SLC17A6: variants seen among roughly 807,000 people sequenced by gnomAD.
SLC17A6 encodes solute carrier family 17 member 6, also known as vesicular glutamate transporter 2.
A neutral mutation model predicts 67.1 loss-of-function variants in SLC17A6; 35 were observed. That is an observed-to-expected ratio of 0.52 (90% CI 0.40 to 0.69). SLC17A6 has a LOEUF of 0.69. Ranked by LOEUF, SLC17A6 falls within the 30% of genes least tolerant of loss-of-function variation. The pLI is 0.00. For missense variants in SLC17A6, 588 were observed against 723.9 expected, an observed-to-expected ratio of 0.81 and a Z score of 2.15; for synonymous variants, 285 against 252.3, an observed-to-expected ratio of 1.13 and a Z score of -1.23.
At chr11:22,376,396 A>G (rs994452211) in intron 10 of SLC17A6, 149 bp from the exon 11 acceptor site, 3 of 832,074 alleles carry the variant, frequency 3.6e-6, no homozygotes, top group Non-Finnish European at 3.7e-6. Flanking sequence ...TTCTATTCTC[A>G]TTATATCCCC....
intron 7 of SLC17A6, 102 bp downstream of exon 7, chr11:22,365,791 G>A: frequency 1.6e-6 from 2 of 1,258,360 alleles, no homozygotes; most frequent in Non-Finnish European, 2.2e-6. Flanking sequence ...AACTAATTTG[G>A]TATCAATCAT....
intron 5 of SLC17A6, 170 bp downstream of exon 5, chr11:22,361,154 G>T: frequency 3.9e-6 from 2 of 516,390 alleles, no homozygotes; most frequent in Non-Finnish European, 6.9e-6. Flanking sequence ...TTATTGTTTT[G>T]CTTAAATCTT....
At chr11:22,353,083 A>G (rs1036987815) in intron 3 of SLC17A6, among the ~76,000 whole-genome samples, 3 of 152,234 alleles carry the variant, frequency 2.0e-5, no homozygotes, top group African/African-American at 7.2e-5. Context: ...AAGATGCGAA[A>G]TAATCATTCT....
chr11:22,347,038 C>T (rs1341352181), intron 3 of SLC17A6, among the ~76,000 whole-genome samples: 1 of 151,600 alleles, frequency 6.6e-6, no homozygotes, highest in Non-Finnish European at 1.5e-5. Flanking sequence ...CTCTTGATTT[C>T]TCAACGCTGC....
Position 22,338,610 on chromosome 11 carries a change from A to C in SLC17A6, c.77A>C (p.Gln26Pro). 6.2e-7 allele frequency: 1 copy of C among 1,613,100 alleles called. No homozygotes were observed. The highest frequency in any genetic ancestry group is 1.1e-5 in the South Asian group (1 of 90,940). ...AATTTTGCTGGAAAATCACTCGGCC[A>C]GATCTACAGGTAAGACAAAGCGAAC... ...LKNFAGKSLGQIYRVLEKKQD... is the reference protein window; with the variant it reads ...LKNFAGKSLGPIYRVLEKKQD... The change falls in exon 1 of 12, where the codon CAG (glutamine) becomes CCG (proline). Residue 26 changes from glutamine to proline, a missense_variant. Around this residue, in one of 4 missense-constraint regions of SLC17A6, gnomAD observed 117 missense variants for 98.7 expected, o/e 1.19. Transcript: ENST00000263160.
chr11:22,377,422 G>A lies in SLC17A6; in HGVS notation c.1431G>A (p.Gln477=). The change falls in exon 12 of 12, where the codon CAG becomes CAA. Residue 477 remains glutamine (Q), a synonymous_variant. Coordinates refer to ENST00000263160, the MANE Select transcript of SLC17A6 (RefSeq NM_020346.3). ...CACTGCAGTCACGTGAAGAGTGGCA[G>A]TATGTCTTCCTGATCGCTGCCCTAG... The part of the protein sequence containing the change: ...MTKNKSREEW[Q]YVFLIAALVH... 6.2e-7 allele frequency: 1 copy of A among 1,609,444 alleles called. No individual in the cohort carries two copies. The highest frequency in any genetic ancestry group is 1.1e-5 in the South Asian group (1 of 90,796).
intron 9 of SLC17A6, among the ~76,000 whole-genome samples, chr11:22,375,209 A>G (rs1856219738): frequency 6.6e-6 from 1 of 151,560 alleles, no homozygotes; most frequent in Non-Finnish European, 1.5e-5. Flanking sequence ...CATCTCGACT[A>G]AAAACACAAA....
intron 3 of SLC17A6, among the ~76,000 whole-genome samples, chr11:22,348,230 A>AGTAGGCTTTCAGCAGTTTC (rs1371839733): frequency 5.7e-4 from 86 of 152,188 alleles, no homozygotes; most frequent in Non-Finnish European, 1.0e-3. Flanking sequence ...CTTCATTGCA[A>AGTAGGCTTTCAGCAGTTTC]AGTTTGCTTT....
intron 7 of SLC17A6, among the ~76,000 whole-genome samples, chr11:22,368,107 T>C (rs1856133598): frequency 6.6e-6 from 1 of 152,172 alleles, no homozygotes; most frequent in Non-Finnish European, 1.5e-5. Context: ...ACTTTATCCA[T>C]AAATACTTCA....
rs967960 is a variant in SLC17A6 at position 22,376,693 on chromosome 11, G to A, written c.1413+21G>A. 10,204 of 1,612,252 alleles carry A rather than the reference G, an allele frequency of 6.3e-3. 541 individuals are homozygous for A. The African/African-American group carries it at 0.12, about 19-fold the overall frequency. ...ATAAGGTAAGATGGTCAAAACAGAT[G>A]TTTAGTCATAGAAGACAGTTTCTCA... On this transcript the variant is annotated intron_variant, in intron 11 of 11. Coordinates refer to ENST00000263160, the MANE Select transcript of SLC17A6 (RefSeq NM_020346.3).
At chr11:22,346,805 C>CAT (rs953174326) in intron 3 of SLC17A6, among the ~76,000 whole-genome samples, 66 of 146,816 alleles carry the variant, frequency 4.5e-4, no homozygotes, top group East Asian at 2.6e-3. Flanking sequence ...GCATAAATAG[C>CAT]ATATATATAT....
chr11:22,362,670 A>G, intron 5 of SLC17A6, 69 bp from the exon 6 acceptor site: 1 of 1,290,252 alleles, frequency 7.8e-7, no homozygotes, highest in Admixed American at 1.7e-5. Context: ...TCAACAAAGG[A>G]ATGTGAGATG....
At chr11:22,369,908 C>G (rs1360749871) in intron 7 of SLC17A6, 131 bp from the exon 8 acceptor site, 1 of 750,396 alleles carries the variant, frequency 1.3e-6, no homozygotes, top group Non-Finnish European at 2.1e-6. Flanking sequence ...ATAATTAATG[C>G]TTCACTACAT....
intron 7 of SLC17A6, among the ~76,000 whole-genome samples, chr11:22,369,452 G>A (rs888673943): frequency 4.6e-5 from 7 of 151,984 alleles, no homozygotes; most frequent in Non-Finnish European, 2.9e-5. Context: ...TTGAACTCCA[G>A]TGTCACAGAA....
chr11:22,343,153 C>T, intron 2 of SLC17A6, 94 bp from the exon 3 acceptor site: 1 of 1,034,004 alleles, frequency 9.7e-7, no homozygotes. Flanking sequence ...AGCGCCCAAG[C>T]CTTGGGGGCT....
At chr11:22,354,534 T>C (rs1855977118) in intron 3 of SLC17A6, among the ~76,000 whole-genome samples, 1 of 152,326 alleles carries the variant, frequency 6.6e-6, no homozygotes, top group East Asian at 1.9e-4. Context: ...AGAGATGGGG[T>C]AGAATTCTGC....
intron 3 of SLC17A6, 37 bp downstream of exon 3, chr11:22,343,402 T>C: frequency 6.4e-7 from 1 of 1,550,938 alleles, no homozygotes; most frequent in Non-Finnish European, 8.8e-7. Flanking sequence ...CGGGGCGTGG[T>C]GTTTGTTTCC....
intron 7 of SLC17A6, among the ~76,000 whole-genome samples, chr11:22,367,288 A>G: frequency 6.6e-6 from 1 of 152,142 alleles, no homozygotes; most frequent in East Asian, 1.9e-4. Context: ...GGTTAAAAAA[A>G]AAAAAAGTCT....
intron 2 of SLC17A6, 174 bp from the exon 3 acceptor site, chr11:22,343,072 GT>G: frequency 1.4e-6 from 1 of 691,294 alleles, no homozygotes; most frequent in East Asian, 2.5e-5. Context: ...AATGAGCAGG[GT>G]TTTTTCGTTG....
Sources: gnomAD v4.1 joint callset for allele counts (sites outside exome capture counted in the v4.1 genomes callset) on GRCh38, gnomAD v4.1.1 for gene constraint, gnomAD v4.1.1 regional missense constraint, MANE v1.5 for transcripts, NCBI Gene and HGNC (gene_info 2026-07-23, HGNC 2026-07-21) for gene names.